Variants in MYOM1 observed in about 807,000 individuals in gnomAD.
MYOM1 encodes the protein myomesin 1, also known as myomesin-1.
Under a neutral mutation model 205.3 loss-of-function variants are expected in MYOM1, and 164 were observed. That is an observed-to-expected ratio of 0.80 (90% CI 0.70 to 0.91). The LOEUF is 0.91. Among genes scored for constraint, MYOM1 ranks in the 40% least tolerant of loss-of-function variants. The probability of loss-of-function intolerance (pLI) is 0.00; values close to 1 mark genes in which losing one functional copy is unlikely to be tolerated. For missense variants in MYOM1, 2,011 were observed against 2,127.3 expected, an observed-to-expected ratio of 0.95 and a Z score of 1.08; for synonymous variants, 772 against 789.4, an observed-to-expected ratio of 0.98 and a Z score of 0.37.
chr18:3,116,611 A>C (rs1349930374), intron 20 of MYOM1, 96 bp from the exon 21 acceptor site: 1 of 1,106,046 alleles, frequency 9.0e-7, no homozygotes, highest in Non-Finnish European at 1.2e-6. Flanking sequence ...CTAATCTAAC[A>C]CTGGTGTTCT....
At chr18:3,142,156 G>T in intron 13 of MYOM1, 93 bp from the exon 14 acceptor site, 1 of 1,418,342 alleles carries the variant, frequency 7.1e-7, no homozygotes, top group Non-Finnish European at 9.6e-7. Context: ...CTGAGGAAGA[G>T]TTAATTATGT....
At chr18:3,075,055 A>C (rs1332723657) in intron 36 of MYOM1, among the ~76,000 whole-genome samples, 1 of 152,188 alleles carries the variant, frequency 6.6e-6, no homozygotes, top group Non-Finnish European at 1.5e-5. Context: ...TCGGCCTCCC[A>C]AAGTGCTAGG....
chr18:3,218,039 C>T (rs550886223), intron 1 of MYOM1, among the ~76,000 whole-genome samples: 218 of 152,252 alleles, frequency 1.4e-3, no homozygotes, highest in Non-Finnish European at 2.5e-3. Flanking sequence ...GTAAGAGAGT[C>T]GATTCCCAGG....
intron 29 of MYOM1, among the ~76,000 whole-genome samples, chr18:3,088,871 C>T (rs576743247): frequency 6.6e-6 from 1 of 152,246 alleles, no homozygotes; most frequent in African/African-American, 2.4e-5. Context: ...ACTTAGAATA[C>T]AGATTTGGCT....
At position 3,067,189 on chromosome 18, in the gene MYOM1, A is replaced by G; in HGVS notation, c.*73T>C. 1 of 1,435,148 alleles carries G rather than the reference A, an allele frequency of 7.0e-7. No individual in the cohort carries two copies. The highest frequency in any genetic ancestry group is 9.4e-7 in the Non-Finnish European group (1 of 1,065,556). 88.9% of individuals were successfully genotyped at this position (1,435,148 alleles called of 1,614,324 possible). A position where few individuals can be genotyped will look rare whatever the true frequency, so the allele number is the denominator to read the frequency against. Reference sequence around the variant, plus strand: ...AAATAATAGGGAGGAGAAAGCATGAAGACGTCTCATCCTTAACCCAAACCA... The same window carrying G: ...AAATAATAGGGAGGAGAAAGCATGAGGACGTCTCATCCTTAACCCAAACCA... On this transcript the variant is annotated 3_prime_UTR_variant, in exon 38 of 38. Coordinates refer to ENST00000356443, the MANE Select transcript of MYOM1 (RefSeq NM_003803.4).
intron 5 of MYOM1, among the ~76,000 whole-genome samples, chr18:3,182,098 CAT>C (rs1249389444): frequency 6.6e-6 from 1 of 152,074 alleles, no homozygotes; most frequent in Non-Finnish European, 1.5e-5. Context: ...CAGTGTCCAA[CAT>C]ATAGATATGA....
chr18:3,087,488 CT>C (rs5822735), intron 29 of MYOM1, among the ~76,000 whole-genome samples: 19,076 of 122,606 alleles, frequency 0.16, 1,272 homozygotes, highest in East Asian at 0.26. Context: ...CTCCTACGTT[CT>C]TTTTTTTTTT....
intron 2 of MYOM1, among the ~76,000 whole-genome samples, chr18:3,196,127 T>C (rs913014963): frequency 4.6e-5 from 7 of 152,202 alleles, no homozygotes; most frequent in African/African-American, 1.2e-4. Flanking sequence ...GATTTAGTAA[T>C]GCTAAGACGT....
chr18:3,095,349 C>T (rs1183507978), intron 25 of MYOM1, among the ~76,000 whole-genome samples: 3 of 152,008 alleles, frequency 2.0e-5, no homozygotes, highest in Non-Finnish European at 4.4e-5. Flanking sequence ...GGGGCAAATC[C>T]CTTGAGGTCA....
chr18:3,094,357 T>C, intron 25 of MYOM1, 51 bp from the exon 26 acceptor site: 1 of 1,441,176 alleles, frequency 6.9e-7, no homozygotes, highest in East Asian at 2.4e-5. Context: ...CCAATTATAT[T>C]GGTACTCATT....
intron 10 of MYOM1, among the ~76,000 whole-genome samples, chr18:3,159,923 TTCC>T (rs1272520981): frequency 7.6e-6 from 1 of 130,750 alleles, no homozygotes; most frequent in East Asian, 2.1e-4. Context: ...CCTTCCTTCC[TTCC>T]TTCCTTCCTT....
chr18:3,153,438 G>A (rs936724699), intron 11 of MYOM1, among the ~76,000 whole-genome samples: 2 of 152,196 alleles, frequency 1.3e-5, no homozygotes, highest in Non-Finnish European at 2.9e-5. Context: ...CATGCACACA[G>A]TAAATGCTTA....
intron 13 of MYOM1, 98 bp from the exon 14 acceptor site, chr18:3,142,161 T>C: frequency 7.2e-7 from 1 of 1,395,800 alleles, no homozygotes; most frequent in Non-Finnish European, 9.8e-7. Context: ...GAAGAGTTAA[T>C]TATGTCTCCA....
chr18:3,107,535 T>G (rs1462519451), intron 22 of MYOM1, among the ~76,000 whole-genome samples: 1 of 152,180 alleles, frequency 6.6e-6, no homozygotes, highest in Non-Finnish European at 1.5e-5. Context: ...TGTCTTATAT[T>G]TCCCCTACCT....
chr18:3,149,267 G>A, intron 12 of MYOM1, 66 bp from the exon 13 acceptor site: 1 of 1,364,460 alleles, frequency 7.3e-7, no homozygotes, highest in Non-Finnish European at 1.0e-6. Context: ...CTGCACTGAT[G>A]AATTGGGAAA....
chr18:3,226,560 C>T, the MYOM1 span, among the ~76,000 whole-genome samples: 91 of 152,266 alleles, frequency 6.0e-4, no homozygotes, highest in Admixed American at 3.6e-3. The surrounding 1 kb of genome is among the most constrained non-coding windows in gnomAD (Gnocchi z 4.6). Flanking sequence ...TGCCAACACG[C>T]GCACACTTCC....
At chr18:3,126,633 C>T (rs964362626) in intron 19 of MYOM1, 68 bp downstream of exon 19, 8 of 1,435,350 alleles carry the variant, frequency 5.6e-6, no homozygotes, top group Non-Finnish European at 7.6e-6. Flanking sequence ...TGGGTGTGTG[C>T]CTGCCTGGGC....
chr18:3,185,600 G>A (rs927766525), intron 5 of MYOM1, among the ~76,000 whole-genome samples: 2 of 152,058 alleles, frequency 1.3e-5, no homozygotes, highest in Non-Finnish European at 2.9e-5. Context: ...AGGCCAAATT[G>A]TGCAACTCTA....
At chr18:3,205,246 T>G (rs2081112791) in intron 2 of MYOM1, among the ~76,000 whole-genome samples, 1 of 152,070 alleles carries the variant, frequency 6.6e-6, no homozygotes, top group Admixed American at 6.5e-5. Flanking sequence ...AATTAAAAAC[T>G]TCTGGTTTTG....
Sources: gnomAD v4.1 joint callset for allele counts (sites outside exome capture counted in the v4.1 genomes callset) on GRCh38, gnomAD v4.1.1 for gene constraint, Gnocchi (gnomAD v3.1) non-coding constraint, MANE v1.5 for transcripts, NCBI Gene and HGNC (gene_info 2026-07-23, HGNC 2026-07-21) for gene names.